Variants in SPAG16 observed in about 807,000 individuals in gnomAD.
SPAG16 encodes the protein sperm associated antigen 16.
Under a neutral mutation model 80.4 loss-of-function variants are expected in SPAG16, and 86 were observed. The ratio of observed to expected loss-of-function variants is 1.07; its 90% CI spans 0.90 to 1.28. The LOEUF is 1.28. SPAG16 is among the 50% of genes most tolerant of loss of function. The pLI is 0.00. For missense variants in SPAG16, 870 were observed against 765.3 expected (o/e 1.14, Z -1.61); for synonymous variants, 294 against 265.9 (o/e 1.11, Z -1.03).
At chr2:214,272,266 T>G (rs1012369909) in intron 15 of SPAG16, among the ~76,000 whole-genome samples, 2 of 152,138 alleles carry the variant, frequency 1.3e-5, no homozygotes, top group African/African-American at 4.8e-5. Context: ...GTTCTGAAAT[T>G]TATTTATGTC....
chr2:214,012,511 G>T (rs1217464530), intron 12 of SPAG16, among the ~76,000 whole-genome samples: 1 of 151,118 alleles, frequency 6.6e-6, no homozygotes, highest in East Asian at 2.0e-4. Context: ...GGTCAGGCTG[G>T]TCTCGAACAC....
chr2:213,787,090 G>A (rs554086423), intron 10 of SPAG16, among the ~76,000 whole-genome samples: 72 of 152,158 alleles, frequency 4.7e-4, no homozygotes, highest in African/African-American at 1.5e-3. Flanking sequence ...GTTAAATAGC[G>A]TTAGGAAAAA....
chr2:214,141,676 GGTTGA>G (rs1377274246), intron 14 of SPAG16, among the ~76,000 whole-genome samples: 6 of 152,060 alleles, frequency 3.9e-5, no homozygotes, highest in African/African-American at 1.4e-4. Flanking sequence ...TAGAATTTTA[GGTTGA>G]GGTTTTTTCC....
At chr2:213,877,502 A>T (rs1472965975) in intron 11 of SPAG16, among the ~76,000 whole-genome samples, 1 of 152,092 alleles carries the variant, frequency 6.6e-6, no homozygotes, top group Non-Finnish European at 1.5e-5. Context: ...TTTTGTTGAG[A>T]TGAGATCTCA....
intron 13 of SPAG16, among the ~76,000 whole-genome samples, chr2:214,084,838 T>A (rs995239856): frequency 5.3e-5 from 8 of 152,232 alleles, no homozygotes; most frequent in African/African-American, 1.9e-4. Flanking sequence ...CAAGGAATAT[T>A]TTATGTCCTG....
intron 10 of SPAG16, among the ~76,000 whole-genome samples, chr2:213,661,836 G>A (rs2063437223): frequency 6.6e-6 from 1 of 152,116 alleles, no homozygotes; most frequent in African/African-American, 2.4e-5. Flanking sequence ...AGTGAATCCA[G>A]ATAATAATTC....
chr2:214,242,391 A>G (rs1689557955), intron 15 of SPAG16, among the ~76,000 whole-genome samples: 1 of 152,162 alleles, frequency 6.6e-6, no homozygotes, highest in Non-Finnish European at 1.5e-5. Context: ...TAAAAAGACT[A>G]TGGTAATCCT....
At chr2:213,972,222 G>A (rs927992424) in intron 12 of SPAG16, among the ~76,000 whole-genome samples, 1 of 150,954 alleles carries the variant, frequency 6.6e-6, no homozygotes, top group Non-Finnish European at 1.5e-5. Context: ...GTCTATTCAA[G>A]TCTGTATTCA....
intron 9 of SPAG16, among the ~76,000 whole-genome samples, chr2:213,439,067 T>C (rs1296963961): frequency 6.6e-6 from 1 of 152,184 alleles, no homozygotes; most frequent in Non-Finnish European, 1.5e-5. Context: ...CAGATGAGAA[T>C]TGCAACCTGG....
chr2:214,222,394 G>A (rs1023436164), intron 15 of SPAG16, among the ~76,000 whole-genome samples: 13 of 152,100 alleles, frequency 8.5e-5, no homozygotes, highest in Non-Finnish European at 1.8e-4. Context: ...TGAGATTACA[G>A]GCGTGAGCCA....
At chr2:214,307,880 A>G (rs760517675) in intron 15 of SPAG16, among the ~76,000 whole-genome samples, 2 of 151,972 alleles carry the variant, frequency 1.3e-5, no homozygotes, top group Non-Finnish European at 2.9e-5. Context: ...CTGTGTGGAG[A>G]GTTATGTAGA....
chr2:214,382,977 C>T (rs1429500125), intron 15 of SPAG16, among the ~76,000 whole-genome samples: 1 of 151,942 alleles, frequency 6.6e-6, no homozygotes, highest in Non-Finnish European at 1.5e-5. Context: ...ATGAAGCCCC[C>T]ACCCTACTTT....
At chr2:213,291,383 A>G (rs537221431) in intron 1 of SPAG16, among the ~76,000 whole-genome samples, 16 of 152,352 alleles carry the variant, frequency 1.1e-4, no homozygotes, top group Admixed American at 5.9e-4. Flanking sequence ...ACATTGTGAC[A>G]TTTAAACTGA....
chr2:214,081,761 G>T (rs752853955), intron 13 of SPAG16, among the ~76,000 whole-genome samples: 1 of 151,940 alleles, frequency 6.6e-6, no homozygotes, highest in African/African-American at 2.4e-5. Context: ...TCTTCCCCCA[G>T]TACCTGATGA....
intron 11 of SPAG16, among the ~76,000 whole-genome samples, chr2:213,863,140 G>T (rs183808760): frequency 1.3e-5 from 2 of 149,424 alleles, no homozygotes; most frequent in African/African-American, 2.6e-5. Flanking sequence ...AAATTCATTT[G>T]TACCTAAAAG....
intron 11 of SPAG16, among the ~76,000 whole-genome samples, chr2:213,919,973 G>A (rs1020603136): frequency 6.6e-6 from 1 of 152,162 alleles, no homozygotes; most frequent in Non-Finnish European, 1.5e-5. Context: ...GGTTGCTTCT[G>A]TGTTGAATGC....
At chr2:213,777,478 C>T (rs1334930814) in intron 10 of SPAG16, among the ~76,000 whole-genome samples, 1 of 151,990 alleles carries the variant, frequency 6.6e-6, no homozygotes, top group Non-Finnish European at 1.5e-5. Flanking sequence ...GCGATCTCCC[C>T]TTACTGCAAG....
chr2:213,974,960 A>AAAAG (rs1553684927), intron 12 of SPAG16, among the ~76,000 whole-genome samples: 1 of 150,982 alleles, frequency 6.6e-6, no homozygotes, highest in Admixed American at 6.6e-5. Flanking sequence ...AAAAAAAAAA[A>AAAAG]AAAAACACAA....
At chr2:213,366,141 CAAAAAA>C (rs759352187) in intron 8 of SPAG16, among the ~76,000 whole-genome samples, 2 of 82,558 alleles carry the variant, frequency 2.4e-5, no homozygotes, top group Non-Finnish European at 4.8e-5. Flanking sequence ...GACTCCGTCT[CAAAAAA>C]AAAAAAAAAA....
Sources: allele counts gnomAD v4.1 joint callset (sites outside exome capture counted in the v4.1 genomes callset), GRCh38; gene constraint gnomAD v4.1.1; transcripts MANE v1.5; gene names NCBI Gene and HGNC (gene_info 2026-07-23, HGNC 2026-07-21).